PUDP: variants seen among roughly 807,000 people sequenced by gnomAD.
The protein encoded by PUDP is pseudouridine-5'-phosphatase.
In PUDP, 8 loss-of-function variants were observed where a neutral mutation model predicts 9.4. That is an observed-to-expected ratio of 0.85 (90% CI 0.50 to 1.53). The LOEUF is 1.53. PUDP is among the 40% of genes most tolerant of loss of function. The probability of loss-of-function intolerance (pLI) is 0.00; values close to 1 mark genes in which losing one functional copy is unlikely to be tolerated. For synonymous variants in PUDP, 99 were observed against 80.7 expected, an observed-to-expected ratio of 1.23 and a Z score of -1.22; for missense variants, 188 against 189.7, an observed-to-expected ratio of 0.99 and a Z score of 0.05.
At chrX:6,734,959 C>A (rs908209059) in intron 3 of PUDP, among the ~76,000 whole-genome samples, 18 of 111,640 alleles carry the variant, frequency 1.6e-4, no homozygotes, top group African/African-American at 5.9e-4. Flanking sequence ...GCATTGCAAG[C>A]AATTTACAAA....
chrX:7,137,879 C>T (rs754301403), intron 1 of PUDP, among the ~76,000 whole-genome samples: 1 of 112,300 alleles, frequency 8.9e-6, no homozygotes, highest in East Asian at 2.8e-4. Context: ...GCCAGTACTT[C>T]TAACTTGTAT....
chrX:6,980,771 A>G (rs1025311866), intron 1 of PUDP, among the ~76,000 whole-genome samples: 3 of 111,715 alleles, frequency 2.7e-5, no homozygotes, highest in African/African-American at 6.5e-5. Context: ...CTATTTACAT[A>G]CTATTTACAT....
chrX:7,128,671 C>G (rs1932543054), intron 1 of PUDP, among the ~76,000 whole-genome samples: 1 of 111,768 alleles, frequency 8.9e-6, no homozygotes, highest in Non-Finnish European at 1.9e-5. Flanking sequence ...CATTCGGAAC[C>G]TCCTCAGGTG....
intron 3 of PUDP, among the ~76,000 whole-genome samples, chrX:6,950,337 C>CAA (rs779591166): frequency 0.026 from 1,084 of 40,932 alleles, 38 homozygotes; most frequent in African/African-American, 0.086. Context: ...AGCTCTGTCT[C>CAA]AAAAAAAAAA....
At chrX:6,917,511 C>A (rs1425762498) in intron 3 of PUDP, among the ~76,000 whole-genome samples, 4 of 111,413 alleles carry the variant, frequency 3.6e-5, no homozygotes, top group Admixed American at 1.9e-4. Flanking sequence ...TAGTTGAAGA[C>A]GTCAAGTCAG....
chrX:7,043,982 C>T (rs1929954644), downstream of PUDP, among the ~76,000 whole-genome samples: 1 of 112,251 alleles, frequency 8.9e-6, no homozygotes, highest in Non-Finnish European at 1.9e-5. Flanking sequence ...AAAATGCATG[C>T]AAATCTAACT....
intron 1 of PUDP, among the ~76,000 whole-genome samples, chrX:7,042,166 TTCC>T (rs1929931707): frequency 9.1e-6 from 1 of 109,595 alleles, no homozygotes; most frequent in African/African-American, 3.3e-5. Context: ...GATGTATATC[TTCC>T]TCAAGGCAAA....
Position 7,105,663 on chromosome X carries a change from T to C in PUDP, c.237A>G (p.Gln79=). 8.3e-7 allele frequency: 1 copy of C among 1,210,213 alleles called. No homozygotes were observed. Among genetic ancestry groups the C allele is most frequent in the African/African-American group, 1.7e-5 (1 of 57,762 alleles). The change falls in exon 2 of 4, where the codon CAA becomes CAG. Residue 79 remains glutamine (Q), a synonymous_variant. Transcript: ENST00000381077. ...TGGGGAACACTTCCTTTAACTTCGT[T>C]TGGCTTTCTTCCACCAGCTCCTCTT... ...MSKEELVEES[Q]TKLKEVFPTA... is the part of the protein sequence containing the mutation.
chrX:7,031,032 TC>T (rs1212613963), intron 1 of PUDP, among the ~76,000 whole-genome samples: 2 of 111,406 alleles, frequency 1.8e-5, no homozygotes, highest in Non-Finnish European at 3.8e-5. Flanking sequence ...TAGGGTAACT[TC>T]CTGATGTTGC....
At chrX:6,718,245 A>G (rs1398690718) in intron 1 of PUDP, among the ~76,000 whole-genome samples, 1 of 112,005 alleles carries the variant, frequency 8.9e-6, no homozygotes, top group Admixed American at 9.6e-5. Context: ...GCTACAGGGT[A>G]TATACCCAAA....
chrX:6,918,865 C>T (rs766754467), intron 3 of PUDP, among the ~76,000 whole-genome samples: 16 of 112,394 alleles, frequency 1.4e-4, no homozygotes, highest in African/African-American at 4.5e-4. Context: ...ATTTGGGGAG[C>T]AGAAATATTC....
intron 3 of PUDP, among the ~76,000 whole-genome samples, chrX:6,767,991 C>A (rs996479795): frequency 1.8e-5 from 2 of 111,725 alleles, no homozygotes; most frequent in African/African-American, 3.3e-5. Context: ...GTACTCAACA[C>A]CCTTCTGAAC....
At chrX:6,823,312 G>A (rs991528625) in intron 3 of PUDP, among the ~76,000 whole-genome samples, 3 of 112,330 alleles carry the variant, frequency 2.7e-5, no homozygotes, top group Non-Finnish European at 3.8e-5. Flanking sequence ...TTGCAAGGCT[G>A]TCTATTGTGG....
chrX:6,807,534 G>GT (rs1244230849), intron 3 of PUDP, among the ~76,000 whole-genome samples: 1 of 112,374 alleles, frequency 8.9e-6, no homozygotes, highest in Non-Finnish European at 1.9e-5. Flanking sequence ...CTATCCAGGT[G>GT]TCGCAATGGA....
intron 1 of PUDP, among the ~76,000 whole-genome samples, chrX:7,115,815 A>G (rs1469760942): frequency 8.9e-6 from 1 of 112,676 alleles, no homozygotes; most frequent in Non-Finnish European, 1.9e-5. Context: ...ACGTCCACGC[A>G]CGTGGCTGCA....
At chrX:6,744,907 T>C (rs951164205) in intron 3 of PUDP, among the ~76,000 whole-genome samples, 2 of 112,039 alleles carry the variant, frequency 1.8e-5, no homozygotes, top group African/African-American at 6.5e-5. Flanking sequence ...AACGAAATAT[T>C]AATCATCATA....
intron 3 of PUDP, among the ~76,000 whole-genome samples, chrX:6,775,938 A>G (rs1482432998): frequency 9.0e-6 from 1 of 111,507 alleles, no homozygotes; most frequent in Non-Finnish European, 1.9e-5. Flanking sequence ...CACCCAGCCT[A>G]TGGCATTTTG....
At chrX:6,893,573 G>C (rs759614795) in intron 3 of PUDP, among the ~76,000 whole-genome samples, 1 of 111,680 alleles carries the variant, frequency 9.0e-6, no homozygotes, top group Non-Finnish European at 1.9e-5. Context: ...AAGCAGGGAA[G>C]TAATTAATCA....
At chrX:6,909,831 A>G (rs1002485190) in intron 3 of PUDP, among the ~76,000 whole-genome samples, 2 of 112,518 alleles carry the variant, frequency 1.8e-5, no homozygotes, top group African/African-American at 6.4e-5. Flanking sequence ...TTTTAGTTAT[A>G]GGAAAATGTG....
Sources: allele counts gnomAD v4.1 joint callset (sites outside exome capture counted in the v4.1 genomes callset), GRCh38; gene constraint gnomAD v4.1.1; transcripts MANE v1.5; gene names NCBI Gene and HGNC (gene_info 2026-07-23, HGNC 2026-07-21).